Variants in NDRG4 observed in about 807,000 individuals in gnomAD.
NDRG4 encodes the protein protein NDRG4.
In NDRG4, 38 loss-of-function variants were observed where a neutral mutation model predicts 55.8. That is an observed-to-expected ratio of 0.68 (90% CI 0.53 to 0.89). NDRG4 has a LOEUF of 0.89. Ranked by LOEUF, NDRG4 falls within the 40% of genes least tolerant of loss-of-function variation. NDRG4 has a pLI of 0.00. For synonymous variants in NDRG4, 190 were observed against 182.7 expected, an observed-to-expected ratio of 1.04 and a Z score of -0.32; for missense variants, 455 against 468.6, an observed-to-expected ratio of 0.97 and a Z score of 0.27.
Position 58,500,217 on chromosome 16 carries a change from C to T in NDRG4, c.-32C>T. 1 of 1,536,138 alleles carries T rather than the reference C, an allele frequency of 6.5e-7. No homozygotes were observed. Among genetic ancestry groups the T allele is most frequent in the South Asian group, 1.2e-5 (1 of 84,058 alleles). ...GTGACTCAGGCCTTTGTTTGTCCTT[C>T]CTGGTAGAGGCGGGTTCCCTCCCTC... is the stretch of plus-strand genomic sequence containing the variant. On this transcript the variant is annotated 5_prime_UTR_variant, in exon 1 of 15. Transcript: ENST00000570248.
chr16:58,482,675 T>TCCTTCCTCCCTC (rs1353329506), intron 1 of NDRG4, among the ~76,000 whole-genome samples: 11 of 129,418 alleles, frequency 8.5e-5, no homozygotes, highest in Non-Finnish European at 1.4e-4. Flanking sequence ...ATCCCTCCCT[T>TCCTTCCTCCCTC]CCTTCCTCCC....
intron 2 of NDRG4, among the ~76,000 whole-genome samples, chr16:58,493,100 T>A (rs1184254964): frequency 2.0e-5 from 3 of 152,198 alleles, no homozygotes; most frequent in African/African-American, 4.8e-5. Context: ...GCTGAACTCT[T>A]CCTTATTTTG....
Position 58,504,227 on chromosome 16 carries a change from C to A in NDRG4, c.201C>A (p.His67Gln). 6.2e-7 allele frequency: 1 copy of A among 1,614,174 alleles called. No individual in the cohort carries two copies. Among genetic ancestry groups the A allele is most frequent in the Non-Finnish European group, 8.5e-7 (1 of 1,180,022 alleles). ...TCACCAAGCACTTTGTGGTGTGTCACGTGGATGCCCCTGGACAACAGGTGG... is the reference window on the plus strand; with the variant it reads ...TCACCAAGCACTTTGTGGTGTGTCAAGTGGATGCCCCTGGACAACAGGTGG... ...QEITKHFVVC[H>Q]VDAPGQQVGA... Residue 67 changes from histidine to glutamine, a missense_variant, in exon 3 of 15, where the codon CAC becomes CAA. Coordinates refer to ENST00000570248, the MANE Select transcript of NDRG4 (RefSeq NM_001242835.2).
At position 58,464,312 on chromosome 16, in the gene NDRG4, C is replaced by T. The variant is rs1443786630; in HGVS notation, c.-24+515C>T. 1 of 855,376 alleles carries T rather than the reference C, an allele frequency of 1.2e-6. No homozygotes were observed. The highest frequency in any genetic ancestry group is 1.6e-6 in the Non-Finnish European group (1 of 622,312). The allele number at this position is 855,376 out of a possible 1,614,324, so 53.0% of individuals were successfully genotyped here. Reference sequence around the variant, plus strand: ...GCTCCTGGCTGTGAGCTGCTCCTGCCGCTTCGCTCCGCGCTCTCCTGCCGC... The same window carrying T: ...GCTCCTGGCTGTGAGCTGCTCCTGCTGCTTCGCTCCGCGCTCTCCTGCCGC... On this transcript the variant is annotated intron_variant, in intron 1 of 15. Coordinates refer to the NDRG4 transcript ENST00000258187. The surrounding 1 kb of genome is among the most constrained non-coding windows in gnomAD (Gnocchi z 4.8).
intron 2 of NDRG4, chr16:58,487,864 G>A (rs902151650): frequency 5.2e-6 from 8 of 1,525,922 alleles, no homozygotes; most frequent in Non-Finnish European, 7.1e-6. Flanking sequence ...AGTTGGAGTC[G>A]CGCCTTTGAG....
intron 1 of NDRG4, among the ~76,000 whole-genome samples, chr16:58,477,683 A>AG (rs2033851829): frequency 1.0e-5 from 1 of 99,692 alleles, no homozygotes; most frequent in East Asian, 2.7e-4. Context: ...CCTCAGCAGG[A>AG]AAAAAAAAAA....
upstream of NDRG4, among the ~76,000 whole-genome samples, chr16:58,498,906 C>T (rs147312198): frequency 5.6e-3 from 860 of 152,300 alleles, 6 homozygotes; most frequent in Non-Finnish European, 9.6e-3. Flanking sequence ...GTCAGTCAAC[C>T]TCTCTGAGCC....
Position 58,507,784 on chromosome 16 carries a change from TCTGCCC to T in NDRG4, c.621-21_621-16del, listed in dbSNP as rs748591711. Reference sequence around the variant, plus strand: ...CTGTCCTGGGGTGCCCACCTCTGCCTCTGCCCCTCCCCCTGCCCCACAGCCGCAGAG... The same window carrying T: ...CTGTCCTGGGGTGCCCACCTCTGCCTCTCCCCCTGCCCCACAGCCGCAGAG... On this transcript the variant is annotated intron_variant, in intron 8 of 14. Transcript: ENST00000570248. The T allele has an allele frequency of 3.1e-6, 5 of 1,612,002 alleles. No homozygotes were observed. In the African/African-American group the frequency reaches 5.3e-5, roughly 17 times the overall value.
chr16:58,485,418 G>A (rs2034975910), intron 1 of NDRG4, among the ~76,000 whole-genome samples: 1 of 152,158 alleles, frequency 6.6e-6, no homozygotes, highest in African/African-American at 2.4e-5. Flanking sequence ...TTAATAGCAT[G>A]GGCCTTGGGG....
At chr16:58,506,145 T>C (rs754085452) in intron 5 of NDRG4, 1 of 631,614 alleles carries the variant, frequency 1.6e-6, no homozygotes, top group South Asian at 1.6e-5. Context: ...TGTGTGTGTG[T>C]GTGTGTGTGT....
exon 2 of NDRG4, chr16:58,487,811 G>A (rs1464855549): frequency 2.6e-6 from 4 of 1,543,900 alleles, no homozygotes; most frequent in African/African-American, 1.4e-5. Context: ...GATTCCCTGA[G>A]GAGAAGCCGC....
intron 10 of NDRG4, 87 bp downstream of exon 10, chr16:58,508,086 C>A: frequency 7.6e-7 from 1 of 1,311,316 alleles, no homozygotes; most frequent in South Asian, 1.5e-5. Flanking sequence ...AATTCTTGAT[C>A]CAGCCCAGGG....
chr16:58,475,480 A>T (rs182265576), intron 1 of NDRG4: 3 of 362,460 alleles, frequency 8.3e-6, no homozygotes, highest in East Asian at 7.4e-5. Flanking sequence ...TTTTTCCTTG[A>T]TTTCCTTTAG....
chr16:58,499,839 C>T, upstream of NDRG4: 4 of 344,652 alleles, frequency 1.2e-5, no homozygotes, highest in Non-Finnish European at 1.7e-5. Flanking sequence ...CGTGTGGTCT[C>T]GGCTTTTGTA....
At chr16:58,476,012 G>C (rs61443037) in intron 1 of NDRG4, among the ~76,000 whole-genome samples, 1 of 152,104 alleles carries the variant, frequency 6.6e-6, no homozygotes. Flanking sequence ...GGCCAGGCTG[G>C]TCTTGAACTC....
chr16:58,504,335 C>CCTGA, intron 3 of NDRG4, 24 bp from the exon 4 acceptor site: 1 of 1,613,894 alleles, frequency 6.2e-7, no homozygotes, highest in Non-Finnish European at 8.5e-7. Flanking sequence ...ACACCTGGGC[C>CCTGA]CTGACCTCCT....
In NDRG4 at chr16:58,507,856, G is replaced by C; in HGVS notation, c.669G>C (p.Lys223Asn). ...GGCCTGGAACGGTGCCCAATGCCAA[G>C]ACGCTCCGGTGAGTGGCCCCTGGCC... ...INRPGTVPNA[K>N]TLRCPVMLVV... The change falls in exon 9 of 15, where the codon AAG becomes AAC. Residue 223 changes from lysine (K) to asparagine (N), a missense_variant. Transcript: ENST00000570248. 1 of 1,614,044 alleles carries C rather than the reference G, an allele frequency of 6.2e-7. No homozygotes were observed. Among genetic ancestry groups the C allele is most frequent in the Non-Finnish European group, 8.5e-7 (1 of 1,180,008 alleles).
chr16:58,471,353 C>T (rs993670435), intron 1 of NDRG4, among the ~76,000 whole-genome samples: 3 of 151,968 alleles, frequency 2.0e-5, no homozygotes, highest in Non-Finnish European at 4.4e-5. Flanking sequence ...GTGTGCAGAT[C>T]ACACTCAGGC....
At chr16:58,492,628 A>G (rs2035944434) in intron 2 of NDRG4, among the ~76,000 whole-genome samples, 1 of 151,250 alleles carries the variant, frequency 6.6e-6, no homozygotes, top group African/African-American at 2.4e-5. Context: ...TGCAGCCTGG[A>G]CCTCCTGGGC....
Sources: gnomAD v4.1 joint callset for allele counts (sites outside exome capture counted in the v4.1 genomes callset) on GRCh38, gnomAD v4.1.1 for gene constraint, Gnocchi (gnomAD v3.1) non-coding constraint, MANE v1.5 for transcripts, NCBI Gene and HGNC (gene_info 2026-07-23, HGNC 2026-07-21) for gene names.